The following FRYL variants were observed in gnomAD, a reference collection of about 807,000 sequenced individuals.
The protein encoded by FRYL is FRY like transcription coactivator.
FRYL carries 150 observed loss-of-function variants against 351.2 expected under a neutral mutation model. That is an observed-to-expected ratio of 0.43 (90% CI 0.37 to 0.49). FRYL has a LOEUF of 0.49. Among genes scored for constraint, FRYL ranks in the 20% least tolerant of loss-of-function variants. The pLI is 0.00. For missense variants in FRYL, 3,036 were observed against 3,619.3 expected (o/e 0.84, Z 4.13); for synonymous variants, 1,153 against 1,257.1 (o/e 0.92, Z 1.75).
At chr4:48,553,955 G>C (rs1188937995) in intron 35 of FRYL, among the ~76,000 whole-genome samples, 6 of 152,100 alleles carry the variant, frequency 3.9e-5, no homozygotes, top group African/African-American at 1.4e-4. Context: ...GCAAAATGGG[G>C]GTAGTAATAG....
chr4:48,607,741 G>T (rs1364949384), intron 9 of FRYL, among the ~76,000 whole-genome samples: 1 of 152,096 alleles, frequency 6.6e-6, no homozygotes, highest in Non-Finnish European at 1.5e-5. Context: ...AAACATCTTA[G>T]TATTGCTCTA....
chr4:48,547,239 C>G (rs1401704678), intron 41 of FRYL, among the ~76,000 whole-genome samples: 1 of 152,148 alleles, frequency 6.6e-6, no homozygotes, highest in Non-Finnish European at 1.5e-5. Context: ...AAATGCCTTA[C>G]TTTATCAGTT....
At chr4:48,553,110 TCATAA>T in intron 36 of FRYL, 100 bp downstream of exon 36, 1 of 752,604 alleles carries the variant, frequency 1.3e-6, no homozygotes, top group South Asian at 2.2e-5. Flanking sequence ...TATCTGAGAT[TCATAA>T]CATGTTATGG....
At position 48,599,637 on chromosome 4, in the gene FRYL, G is replaced by C. The variant is rs529989056; in HGVS notation, c.1035+2383C>G. Among the ~76,000 whole-genome samples the C allele has an allele frequency of 2.0e-5, 3 of 152,220 alleles. No homozygotes were observed. In the East Asian group the frequency reaches 5.8e-4, roughly 29 times the overall value. ...TACTACCTTCAGAAGTAAAATGGTG[G>C]ACTAGAAGAGCAAGAGCTATGGAAC... On this transcript the variant is annotated intron_variant, in intron 13 of 63. Coordinates refer to ENST00000358350, the MANE Select transcript of FRYL (RefSeq NM_015030.2).
At chr4:48,564,835 TA>T (rs1339940586) in intron 30 of FRYL, 97 bp downstream of exon 30, 1 of 630,232 alleles carries the variant, frequency 1.6e-6, no homozygotes, top group Admixed American at 2.9e-5. Flanking sequence ...TAACCTATCT[TA>T]TTTTTTTAAA....
chr4:48,751,316 G>A (rs1187157474), intron 1 of FRYL, among the ~76,000 whole-genome samples: 2 of 152,128 alleles, frequency 1.3e-5, no homozygotes, highest in East Asian at 3.8e-4. Flanking sequence ...AATAATTTGA[G>A]AGGAATAAAA....
chr4:48,670,982 C>T (rs1157605611), intron 3 of FRYL, among the ~76,000 whole-genome samples: 2 of 152,068 alleles, frequency 1.3e-5, no homozygotes, highest in Admixed American at 1.3e-4. Flanking sequence ...ATTGCTGGAT[C>T]CTATATAGTC....
intron 4 of FRYL, among the ~76,000 whole-genome samples, chr4:48,631,954 G>A (rs1753052062): frequency 6.8e-6 from 1 of 146,610 alleles, no homozygotes; most frequent in Non-Finnish European, 1.5e-5. Flanking sequence ...TCAGGAGATT[G>A]GGGTGGGAGG....
intron 2 of FRYL, among the ~76,000 whole-genome samples, chr4:48,709,392 A>C (rs1218395288): frequency 6.6e-6 from 1 of 152,196 alleles, no homozygotes; most frequent in African/African-American, 2.4e-5. Context: ...TCTGAGTGAA[A>C]TGAAGGAAAG....
intron 1 of FRYL, among the ~76,000 whole-genome samples, chr4:48,764,062 C>T (rs959094302): frequency 6.6e-6 from 1 of 151,840 alleles, no homozygotes; most frequent in Non-Finnish European, 1.5e-5. Flanking sequence ...CCCAGCTACT[C>T]GGGAGGCTGA....
At chr4:48,607,933 C>G (rs541188334) in intron 9 of FRYL, among the ~76,000 whole-genome samples, 173 of 152,210 alleles carry the variant, frequency 1.1e-3, no homozygotes, top group South Asian at 7.3e-3. Context: ...GACAGAAACT[C>G]AGTTTTGACA....
At chr4:48,768,560 T>C in intron 1 of FRYL, among the ~76,000 whole-genome samples, 1 of 152,052 alleles carries the variant, frequency 6.6e-6, no homozygotes, top group Non-Finnish European at 1.5e-5. Flanking sequence ...ATCCCAGCAC[T>C]CTGGAAGGCT....
At chr4:48,527,017 T>G (rs952867040) in intron 53 of FRYL, among the ~76,000 whole-genome samples, 1 of 152,140 alleles carries the variant, frequency 6.6e-6, no homozygotes, top group Non-Finnish European at 1.5e-5. Context: ...GAGTAGTATA[T>G]GTATATGTAC....
chr4:48,673,473 G>A lies in FRYL; in HGVS notation c.-81+11200C>T, dbSNP rs1763047992. 3.3e-5 allele frequency among the ~76,000 whole-genome samples: 5 copies of A among 152,076 alleles called. No individual in the cohort carries two copies. In the South Asian group the frequency reaches 1.0e-3, roughly 32 times the overall value. ...TGTCATCATTGGATACTGCAGCCTG[G>A]AACTCCTGGGTTCAAGTAGTCCTCC... is the stretch of plus-strand genomic sequence containing the variant. On this transcript the variant is annotated intron_variant, in intron 3 of 63. Transcript: ENST00000358350.
intron 1 of FRYL, among the ~76,000 whole-genome samples, chr4:48,713,792 C>G (rs1282327483): frequency 6.6e-6 from 1 of 152,202 alleles, no homozygotes; most frequent in Non-Finnish European, 1.5e-5. Context: ...CGACAGAACT[C>G]TCCACCCCAA....
intron 1 of FRYL, among the ~76,000 whole-genome samples, chr4:48,744,455 CT>C (rs552130149): frequency 2.1e-3 from 313 of 152,294 alleles, no homozygotes; most frequent in South Asian, 7.5e-3. Flanking sequence ...AATATTTACT[CT>C]TTCAAAGTCA....
Position 48,575,123 on chromosome 4 carries a change from G to C in FRYL, c.2840C>G (p.Ala947Gly). Reference sequence around the variant, plus strand: ...AATGTACGAACATAGTTACCTAAAAGCTCCTGGGTTGGTCCTGCCAAGACC... The same window carrying C: ...AATGTACGAACATAGTTACCTAAAACCTCCTGGGTTGGTCCTGCCAAGACC... ...VLGLGRTNPG[A>G]FRELIEELHP... The change falls in exon 25 of 64, where the codon GCT (alanine) becomes GGT (glycine). Residue 947 changes from alanine to glycine, a missense_variant. Ala to Gly is a moderately conservative substitution (Grantham distance 60). Around this residue, in one of 7 missense-constraint regions of FRYL, gnomAD observed 492 missense variants for 551.5 expected, o/e 0.89. Transcript: ENST00000358350. 6.2e-7 allele frequency: 1 copy of C among 1,613,194 alleles called. No homozygotes were observed.
intron 42 of FRYL, among the ~76,000 whole-genome samples, chr4:48,545,357 C>G (rs546287945): frequency 1.4e-4 from 22 of 152,170 alleles, no homozygotes; most frequent in Non-Finnish European, 2.4e-4. Flanking sequence ...GCCACCACCT[C>G]AGTTAAGCTC....
intron 1 of FRYL, among the ~76,000 whole-genome samples, chr4:48,770,642 G>A (rs1775418186): frequency 6.6e-6 from 1 of 152,016 alleles, no homozygotes; most frequent in Non-Finnish European, 1.5e-5. Context: ...TCTCCATGTT[G>A]GTTGAGCTGG....
Sources: allele counts gnomAD v4.1 joint callset (sites outside exome capture counted in the v4.1 genomes callset), GRCh38; gene constraint gnomAD v4.1.1; regional missense constraint gnomAD v4.1.1; transcripts MANE v1.5; gene names NCBI Gene and HGNC (gene_info 2026-07-23, HGNC 2026-07-21).